The following NEB variants were observed in gnomAD, a reference collection of about 807,000 sequenced individuals.
The protein encoded by NEB is nemaline myopathy type 2.
NEB carries 512 observed loss-of-function variants against 952.2 expected under a neutral mutation model. That is an observed-to-expected ratio of 0.54 (90% CI 0.50 to 0.58). The LOEUF (loss-of-function observed/expected upper bound fraction) is 0.58. Among genes scored for constraint, NEB ranks in the 20% least tolerant of loss-of-function variants. NEB has a pLI of 0.00. For missense variants in NEB, 8,428 were observed against 9,231.1 expected (o/e 0.91, Z 3.56); for synonymous variants, 2,900 against 3,149.8 (o/e 0.92, Z 2.66).
At chr2:151,496,868 A>G (rs1162690840) in intron 172 of NEB, 73 bp downstream of exon 172, 1 of 1,418,990 alleles carries the variant, frequency 7.0e-7, no homozygotes, top group African/African-American at 1.4e-5. Flanking sequence ...AATAGGATTA[A>G]TATGTATTAT....
chr2:151,714,008 G>T (rs940545654), intron 10 of NEB, among the ~76,000 whole-genome samples: 2 of 152,076 alleles, frequency 1.3e-5, no homozygotes, highest in African/African-American at 4.8e-5. Flanking sequence ...TGAGTATTTT[G>T]AATTAAAGGC....
intron 138 of NEB, among the ~76,000 whole-genome samples, chr2:151,539,639 C>T (rs1034557389): frequency 4.6e-5 from 7 of 152,102 alleles, no homozygotes; most frequent in East Asian, 1.9e-4. Context: ...ACACAAAACC[C>T]GTAAGGATTG....
intron 76 of NEB, among the ~76,000 whole-genome samples, chr2:151,614,844 T>A (rs1017257075): frequency 1.3e-5 from 2 of 152,188 alleles, no homozygotes; most frequent in Non-Finnish European, 1.5e-5. Context: ...TTCCTCCTTA[T>A]TATACCACAC....
intron 88 of NEB, among the ~76,000 whole-genome samples, chr2:151,601,408 C>T (rs2153912361): frequency 6.9e-6 from 1 of 143,990 alleles, no homozygotes; most frequent in Non-Finnish European, 1.5e-5. Context: ...CCATGCCTTG[C>T]CTGAAATAAT....
chr2:151,717,466 C>T lies in NEB; in HGVS notation c.772G>A (p.Asp258Asn), dbSNP rs267598926. The change falls in exon 10 of 182, where the codon GAT becomes AAT. Residue 258 changes from aspartate (D) to asparagine (N), a missense_variant. Asp to Asn is a conservative substitution (Grantham distance 23). Around this residue, in one of 11 missense-constraint regions of NEB, gnomAD observed 2,851 missense variants for 2,791.5 expected, o/e 1.02. Transcript: ENST00000397345. ...EQQAQFTPLA[D>N]PPDIEFAKKV... ...TTGGCAAATTCTATATCTGGAGGAT[C>T]AGCCAGAGGCGTGAATTGAGCTTGC... 135 of 1,613,800 alleles carry T rather than the reference C, an allele frequency of 8.4e-5. No homozygotes were observed. Among genetic ancestry groups the T allele is most frequent in the Non-Finnish European group, 1.1e-4 (130 of 1,179,816 alleles).
In NEB at chr2:151,488,379, G is replaced by T. The variant is rs530661756; in HGVS notation, c.25404+1592C>A. The stretch of plus-strand genomic sequence containing the variant: ...AAAATAATTGTGGCCGGGCTGAGTG[G>T]CTGATGCCTGTAATCCCAGCATTTT... On this transcript the variant is annotated intron_variant, in intron 181 of 181. Coordinates refer to ENST00000397345, the MANE Select transcript of NEB (RefSeq NM_001164508.2). Among the ~76,000 whole-genome samples, 10 of 151,838 alleles carry T rather than the reference G, an allele frequency of 6.6e-5. No individual in the cohort carries two copies. The South Asian group carries it at 2.1e-3, about 32-fold the overall frequency.
rs148839798 is a variant in NEB, at chr2:151,485,949, G to GA, written c.25405-17dup. The GA allele has an allele frequency of 1.7e-3, 2,671 of 1,612,194 alleles. 41 individuals carry two copies. In the East Asian group the frequency reaches 0.033, roughly 20 times the overall value. The stretch of plus-strand genomic sequence containing the variant: ...GGAAGATTTTCTATTCGTGGGGATG[G>GA]AAAAGGGGAAATATTATATGTTGGA... On this transcript the variant is annotated splice_polypyrimidine_tract_variant and intron_variant, in intron 181 of 181. Transcript: ENST00000397345.
At chr2:151,710,352 A>T in intron 11 of NEB, 82 bp downstream of exon 11, 3 of 868,178 alleles carry the variant, frequency 3.5e-6, no homozygotes, top group Non-Finnish European at 5.5e-6. Flanking sequence ...GCACCCATTC[A>T]GGTAGAGCAA....
intron 38 of NEB, 106 bp from the exon 39 acceptor site, chr2:151,669,237 TTA>T (rs1278072453): frequency 1.3e-6 from 1 of 784,420 alleles, no homozygotes; most frequent in Non-Finnish European, 2.1e-6. Context: ...TGTTTTCCAT[TTA>T]CGAGACAAAT....
rs1159938154 is a variant in NEB at position 151,526,234 on chromosome 2, T to C, written c.21974A>G (p.Glu7325Gly). Residue 7325 changes from glutamate (E) to glycine (G), a missense_variant, in exon 149 of 182, where the codon GAA becomes GGA. Transcript: ENST00000397345. Reference sequence around the variant, plus strand: ...AGGTACGGCATGGCAGGTTCCTCTTTCCTTGACATGTTTCTCTTTGTATTT... The same window carrying C: ...AGGTACGGCATGGCAGGTTCCTCTTCCCTTGACATGTTTCTCTTTGTATTT... Reference protein sequence around the residue: ...DLKYKEKHVKERGTCHAVPDT... With the variant: ...DLKYKEKHVKGRGTCHAVPDT... The C allele has an allele frequency of 3.7e-6, 6 of 1,612,990 alleles. No homozygotes were observed. The highest frequency in any genetic ancestry group is 5.1e-6 in the Non-Finnish European group (6 of 1,179,438).
Position 151,567,460 on chromosome 2 carries a change from T to C in NEB, c.17864A>G (p.His5955Arg), listed in dbSNP as rs769313656. 1.2e-6 allele frequency: 2 copies of C among 1,610,940 alleles called. No individual in the cohort carries two copies. The highest frequency in any genetic ancestry group is 1.1e-5 in the South Asian group (1 of 90,632). The change falls in exon 114 of 182, where the codon CAT becomes CGT. Residue 5955 changes from histidine to arginine, a missense_variant. Physicochemically the swap from His to Arg is conservative, Grantham distance 29. Transcript: ENST00000397345. ...AACATAATGACCTTTTTGCTTCACA[T>C]GTTCAGCTTTGTATTTCAGCTGGCG... is the stretch of plus-strand genomic sequence containing the variant. ...VQSELKYKAE[H>R]VKQKGHYVGV... is the part of the protein sequence containing the mutation.
intron 76 of NEB, among the ~76,000 whole-genome samples, chr2:151,614,938 AAC>A (rs1309829329): frequency 6.6e-6 from 1 of 152,242 alleles, no homozygotes; most frequent in Admixed American, 6.5e-5. Context: ...GATGGAAAAT[AAC>A]AGTTATTTTC....
rs78773099 is a variant in NEB, at chr2:151,533,156, A to C, written c.21417+286T>G. On this transcript the variant is annotated intron_variant, in intron 143 of 181. Transcript: ENST00000397345. Reference sequence around the variant, plus strand: ...TAAGGAATCTATTTCTTTGAGGCAAATACTGAAAAGTATAAATTAATGTTA... The same window carrying C: ...TAAGGAATCTATTTCTTTGAGGCAACTACTGAAAAGTATAAATTAATGTTA... 2.1e-3 allele frequency among the ~76,000 whole-genome samples: 324 copies of C among 152,338 alleles called. 2 individuals carry two copies. Among genetic ancestry groups the C allele is most frequent in the African/African-American group, 7.3e-3 (303 of 41,578 alleles).
chr2:151,734,285 T>C (rs774481214), intron 1 of NEB, 113 bp downstream of exon 1: 1 of 152,222 alleles, frequency 6.6e-6, no homozygotes, highest in African/African-American at 2.4e-5. Flanking sequence ...CCTAGCCATA[T>C]TTCTACCACT....
chr2:151,540,615 T>G, intron 137 of NEB, 82 bp downstream of exon 137: 3 of 1,287,088 alleles, frequency 2.3e-6, no homozygotes, highest in Non-Finnish European at 3.3e-6. Flanking sequence ...TAATGAGCTC[T>G]CTGATCAGAG....
Position 151,497,677 on chromosome 2 carries a change from A to C in NEB, c.24249T>G (p.Pro8083=). The C allele has an allele frequency of 6.3e-7, 1 of 1,585,752 alleles. No homozygotes were observed. The highest frequency in any genetic ancestry group is 1.7e-4 in the Middle Eastern group (1 of 6,026). The change falls in exon 171 of 182, where the codon CCT becomes CCG. Residue 8083 remains proline (P), a synonymous_variant. Coordinates refer to ENST00000397345, the MANE Select transcript of NEB (RefSeq NM_001164508.2). ...KENMGKGTPL[P]VTPEMERVKH... is the part of the protein sequence containing the mutation. ...TGACTCTTTCCATCTCGGGAGTGACAGGTAAAGGGGTTCCCTTGCCCATGT... is the reference window on the plus strand; with the variant it reads ...TGACTCTTTCCATCTCGGGAGTGACCGGTAAAGGGGTTCCCTTGCCCATGT...
Position 151,650,232 on chromosome 2 carries a change from T to C in NEB, c.7375A>G (p.Ile2459Val), listed in dbSNP as rs746370157. The change falls in exon 54 of 182, where the codon ATT becomes GTT. Residue 2459 changes from isoleucine (I) to valine (V), a missense_variant. Coordinates refer to ENST00000397345, the MANE Select transcript of NEB (RefSeq NM_001164508.2). The stretch of plus-strand genomic sequence containing the variant: ...AGAACTATATCCATGGCATCAGGAA[T>C]GCTGGTGAACTTGTTTCTGTCTGGA... ...QPPDRNKFTS[I>V]PDAMDIVLAK... 2.5e-6 allele frequency: 4 copies of C among 1,613,980 alleles called. No individual in the cohort carries two copies. Among genetic ancestry groups the C allele is most frequent in the Non-Finnish European group, 3.4e-6 (4 of 1,179,856 alleles).
At chr2:151,579,080 C>CAAAAAAA (rs1159995102) in intron 105 of NEB, among the ~76,000 whole-genome samples, 2 of 31,714 alleles carry the variant, frequency 6.3e-5, no homozygotes, top group Non-Finnish European at 1.1e-4. Context: ...GACTCCATCT[C>CAAAAAAA]AAAAAAAAAA....
At chr2:151,697,991 G>A (rs187375777) in intron 13 of NEB, among the ~76,000 whole-genome samples, 16 of 152,154 alleles carry the variant, frequency 1.1e-4, no homozygotes, top group African/African-American at 3.6e-4. Flanking sequence ...GCTTGAACCC[G>A]GGAGGCGGAG....
Sources: gnomAD v4.1 joint callset for allele counts (sites outside exome capture counted in the v4.1 genomes callset) on GRCh38, gnomAD v4.1.1 for gene constraint, gnomAD v4.1.1 regional missense constraint, MANE v1.5 for transcripts, NCBI Gene and HGNC (gene_info 2026-07-23, HGNC 2026-07-21) for gene names.